CASK: variants seen among roughly 807,000 people sequenced by gnomAD.
The protein encoded by CASK is calcium/calmodulin dependent serine protein kinase.
CASK carries 4 observed loss-of-function variants against 82.9 expected under a neutral mutation model. The observed-to-expected ratio is 0.05, with a 90% CI of 0.02 to 0.11. The LOEUF (loss-of-function observed/expected upper bound fraction) is 0.11. Ranked by LOEUF, CASK falls within the 10% of genes least tolerant of loss-of-function variation. CASK has a pLI of 1.00. For missense variants in CASK, 358 were observed against 720.9 expected (o/e 0.50, Z 5.76); for synonymous variants, 259 against 253.5 (o/e 1.02, Z -0.20).
chrX:41,896,798 A>G (rs1242906335), intron 1 of CASK, among the ~76,000 whole-genome samples: 1 of 111,862 alleles, frequency 8.9e-6, no homozygotes, highest in Non-Finnish European at 1.9e-5. Context: ...AAATATTCCA[A>G]TTATACTCTT....
intron 22 of CASK, 98 bp from the exon 23 acceptor site, chrX:41,535,071 A>G (rs989380262): frequency 4.3e-5 from 23 of 538,322 alleles, no homozygotes; most frequent in Non-Finnish European, 6.8e-5. Flanking sequence ...TTATATTAAA[A>G]CCATGTCTTA....
chrX:41,586,816 G>T, intron 14 of CASK, 91 bp downstream of exon 14: 1 of 565,309 alleles, frequency 1.8e-6, no homozygotes, highest in East Asian at 3.5e-5. Context: ...AAAAATGCAT[G>T]AGATGAAGCT....
At chrX:41,563,884 A>G (rs747592484) in intron 16 of CASK, among the ~76,000 whole-genome samples, 1 of 111,901 alleles carries the variant, frequency 8.9e-6, no homozygotes, top group African/African-American at 3.2e-5. Context: ...AATCATTCCA[A>G]TATTATATAA....
chrX:41,905,351 A>G, intron 1 of CASK, among the ~76,000 whole-genome samples: 1 of 111,967 alleles, frequency 8.9e-6, no homozygotes, highest in Non-Finnish European at 1.9e-5. Flanking sequence ...CTACATTCCC[A>G]CCAACGTACG....
intron 2 of CASK, among the ~76,000 whole-genome samples, chrX:41,831,603 A>C (rs1003719844): frequency 2.7e-5 from 3 of 112,426 alleles, no homozygotes; most frequent in Non-Finnish European, 5.6e-5. Flanking sequence ...TATCACTAAA[A>C]TCTTTTAATT....
intron 1 of CASK, among the ~76,000 whole-genome samples, chrX:41,889,309 CTTTT>C (rs200032761): frequency 1.9e-5 from 2 of 105,521 alleles, no homozygotes; most frequent in African/African-American, 6.9e-5. Flanking sequence ...ATGCCAACAT[CTTTT>C]TTTTTTTATT....
intron 12 of CASK, among the ~76,000 whole-genome samples, chrX:41,597,561 C>T (rs1422030843): frequency 4.4e-5 from 5 of 112,552 alleles, no homozygotes; most frequent in African/African-American, 1.6e-4. Context: ...CACTGACTAT[C>T]TTATTAAGAA....
intron 3 of CASK, among the ~76,000 whole-genome samples, chrX:41,754,195 C>T (rs112621538): frequency 0.2 from 21,955 of 109,993 alleles, 1,853 homozygotes; most frequent in Non-Finnish European, 0.27. Flanking sequence ...CCCAGGAGTT[C>T]GAGACCAGCC....
At chrX:41,632,677 A>C (rs1310062432) in intron 9 of CASK, among the ~76,000 whole-genome samples, 2 of 112,375 alleles carry the variant, frequency 1.8e-5, no homozygotes, top group Admixed American at 9.5e-5. Flanking sequence ...ACTCCTAAAC[A>C]AACCTTTCGT....
At chrX:41,642,264 A>G (rs1200267197) in intron 8 of CASK, among the ~76,000 whole-genome samples, 3 of 111,709 alleles carry the variant, frequency 2.7e-5, no homozygotes, top group Non-Finnish European at 5.6e-5. Context: ...TATACCCAGT[A>G]ATGGGACGGC....
intron 3 of CASK, among the ~76,000 whole-genome samples, chrX:41,751,990 G>A (rs1392221871): frequency 9.4e-6 from 1 of 106,019 alleles, no homozygotes; most frequent in Admixed American, 1.0e-4. Context: ...AGGTTGCAGT[G>A]AGCCATGACT....
chrX:41,826,302 T>C (rs1287228545), intron 2 of CASK, among the ~76,000 whole-genome samples: 1 of 111,973 alleles, frequency 8.9e-6, no homozygotes, highest in Non-Finnish European at 1.9e-5. Context: ...CCTGTTAGCC[T>C]GATAGAGTAT....
intron 14 of CASK, among the ~76,000 whole-genome samples, chrX:41,580,369 C>T (rs1296068691): frequency 9.0e-5 from 10 of 111,364 alleles, no homozygotes; most frequent in South Asian, 3.8e-4. Context: ...TTTGTAGACA[C>T]GGGGTTTCAT....
intron 8 of CASK, among the ~76,000 whole-genome samples, chrX:41,638,085 C>A (rs2066588926): frequency 8.9e-6 from 1 of 112,377 alleles, no homozygotes; most frequent in African/African-American, 3.2e-5. Context: ...ATATGCCAGG[C>A]ATTGTCCTAT....
intron 3 of CASK, among the ~76,000 whole-genome samples, chrX:41,780,025 C>T (rs772199732): frequency 1.7e-4 from 19 of 111,240 alleles, no homozygotes; most frequent in Admixed American, 1.4e-3. Context: ...CACATCATGT[C>T]GGATGTGTTT....
In CASK at chrX:41,636,617, T is replaced by C. The variant is rs2147368237; in HGVS notation, c.876A>G (p.Val292=). The change falls in exon 9 of 27, where the codon GTA becomes GTG. Residue 292 remains valine, a synonymous_variant. Transcript: ENST00000378163. ...TTGCATTGAATTTCCTCAGCTGCTC[T>C]ACTGTTTCTGGAAGATGAATCTTGT... ...YAYKIHLPET[V]EQLRKFNARR... 8.3e-7 allele frequency: 1 copy of C among 1,199,864 alleles called. No individual in the cohort carries two copies. The highest frequency in any genetic ancestry group is 1.1e-6 in the Non-Finnish European group (1 of 884,431).
chrX:41,830,631 T>G (rs757211752), intron 2 of CASK, among the ~76,000 whole-genome samples: 4 of 107,248 alleles, frequency 3.7e-5, no homozygotes, highest in African/African-American at 6.8e-5. Context: ...CCATCCTGGC[T>G]AACTCGGTGA....
intron 1 of CASK, among the ~76,000 whole-genome samples, chrX:41,902,184 T>A (rs189151947): frequency 8.9e-6 from 1 of 112,054 alleles, no homozygotes; most frequent in Admixed American, 9.4e-5. Flanking sequence ...TTAAAGGGCA[T>A]AATGACATTT....
intron 2 of CASK, among the ~76,000 whole-genome samples, chrX:41,824,936 C>T (rs2070628041): frequency 8.9e-6 from 1 of 111,754 alleles, no homozygotes; most frequent in Admixed American, 9.5e-5. Flanking sequence ...TTACCCCAAC[C>T]CCTTGGCAAT....
Sources: allele counts gnomAD v4.1 joint callset (sites outside exome capture counted in the v4.1 genomes callset), GRCh38; gene constraint gnomAD v4.1.1; transcripts MANE v1.5; gene names NCBI Gene and HGNC (gene_info 2026-07-23, HGNC 2026-07-21).